SLC7A11: variants seen among roughly 807,000 people sequenced by gnomAD.
The protein encoded by SLC7A11 is solute carrier family 7 member 11.
SLC7A11 carries 35 observed loss-of-function variants against 54.5 expected under a neutral mutation model. That is an observed-to-expected ratio of 0.64 (90% CI 0.49 to 0.85). The LOEUF is 0.85. SLC7A11 is among the 40% of genes least tolerant of loss of function. The pLI, the probability that SLC7A11 is intolerant of heterozygous loss-of-function variation, is 0.00. For missense variants in SLC7A11, 583 were observed against 618.1 expected, an observed-to-expected ratio of 0.94 and a Z score of 0.60; for synonymous variants, 230 against 225.2, an observed-to-expected ratio of 1.02 and a Z score of -0.19.
intron 4 of SLC7A11, among the ~76,000 whole-genome samples, chr4:138,222,207 G>A (rs990092011): frequency 5.3e-5 from 8 of 152,198 alleles, no homozygotes; most frequent in African/African-American, 1.7e-4. Context: ...GGCAACAGCA[G>A]CTCCCTTTCC....
At chr4:138,214,897 G>A (rs1737643228) in intron 5 of SLC7A11, among the ~76,000 whole-genome samples, 1 of 152,198 alleles carries the variant, frequency 6.6e-6, no homozygotes, top group African/African-American at 2.4e-5. Context: ...CCACAGAATA[G>A]TGTGATACAG....
Position 138,242,094 on chromosome 4 carries a change from A to G in SLC7A11, c.-25T>C, listed in dbSNP as rs138660207. 3.5e-4 allele frequency: 564 copies of G among 1,609,046 alleles called. No homozygotes were observed. In the African/African-American group the frequency reaches 6.6e-3, roughly 19 times the overall value. On this transcript the variant is annotated 5_prime_UTR_variant, in exon 1 of 12. Transcript: ENST00000280612. ...TAGTAGGGACACACGGGGGAAAAAT[A>G]AAACAGAGGGAAAGAAAACAAAACT...
chr4:138,212,008 T>C lies in SLC7A11; in HGVS notation c.791+2577A>G, dbSNP rs374543690. The stretch of plus-strand genomic sequence containing the variant: ...TATCAAAAACATAGTATATTTTAAA[T>C]TAGCTAAAAGAGAAATTTGCAATAT... On this transcript the variant is annotated intron_variant, in intron 6 of 11. Transcript: ENST00000280612. Among the ~76,000 whole-genome samples, 19 of 152,012 alleles carry C rather than the reference T, an allele frequency of 1.2e-4. No homozygotes were observed. In the East Asian group the frequency reaches 3.3e-3, roughly 26 times the overall value.
intron 6 of SLC7A11, among the ~76,000 whole-genome samples, chr4:138,207,894 C>A (rs963904050): frequency 2.0e-5 from 3 of 151,942 alleles, no homozygotes; most frequent in African/African-American, 7.3e-5. Context: ...GTCCTACAAG[C>A]AATAGGCCTT....
intron 1 of SLC7A11, among the ~76,000 whole-genome samples, chr4:138,239,709 G>A (rs1478754254): frequency 3.3e-5 from 5 of 152,018 alleles, no homozygotes; most frequent in African/African-American, 1.2e-4. Flanking sequence ...CAGATGATAT[G>A]TAATACTTAT....
rs867512647 is a variant in SLC7A11 at position 138,170,885 on chromosome 4, T to G, written c.*1071A>C. 1 of 152,184 alleles carries G rather than the reference T, an allele frequency of 6.6e-6. No individual in the cohort carries two copies. The highest frequency in any genetic ancestry group is 1.5e-5 in the Non-Finnish European group (1 of 68,036). 9.4% of individuals were successfully genotyped at this position (152,184 alleles called of 1,614,324 possible). A position where few individuals can be genotyped will look rare whatever the true frequency, so the allele number is the denominator to read the frequency against. The stretch of plus-strand genomic sequence containing the variant: ...ATCTGGACAGTTTCATCTGAAGAGA[T>G]ATTTTAACAGAAGAATATAAAATGT... On this transcript the variant is annotated 3_prime_UTR_variant, in exon 12 of 12. Coordinates refer to ENST00000280612, the MANE Select transcript of SLC7A11 (RefSeq NM_014331.4).
intron 6 of SLC7A11, among the ~76,000 whole-genome samples, chr4:138,187,374 T>C (rs779730509): frequency 6.6e-6 from 1 of 152,176 alleles, no homozygotes; most frequent in Non-Finnish European, 1.5e-5. Context: ...CATACGTGTC[T>C]CCTTTTGTCC....
intron 6 of SLC7A11, among the ~76,000 whole-genome samples, chr4:138,209,723 A>G (rs1737502123): frequency 6.6e-6 from 1 of 152,056 alleles, no homozygotes; most frequent in African/African-American, 2.4e-5. Flanking sequence ...GCTATAAAAC[A>G]TTGTTGAAAG....
At chr4:138,240,588 T>TTGAG (rs1292414967) in intron 1 of SLC7A11, among the ~76,000 whole-genome samples, 1 of 144,800 alleles carries the variant, frequency 6.9e-6, no homozygotes, top group South Asian at 2.2e-4. Flanking sequence ...AAAATGGAAT[T>TTGAG]TGAGTTCTCT....
Position 138,211,014 on chromosome 4 carries a change from G to T in SLC7A11, c.791+3571C>A, listed in dbSNP as rs1003112548. On this transcript the variant is annotated intron_variant, in intron 6 of 11. Transcript: ENST00000280612. ...TCAACTTTAGTTCCCATCAAAAGTG[G>T]GTTGGATAAAGAAAATGTGGTACAT... Among the ~76,000 whole-genome samples the T allele has an allele frequency of 4.1e-4, 62 of 152,072 alleles. 1 individual carries two copies. The highest frequency in any genetic ancestry group is 2.7e-4 in the Non-Finnish European group (18 of 67,906).
At chr4:138,200,942 T>C (rs1457229886) in intron 6 of SLC7A11, among the ~76,000 whole-genome samples, 1 of 152,092 alleles carries the variant, frequency 6.6e-6, no homozygotes, top group African/African-American at 2.4e-5. Context: ...AATCCTTTGC[T>C]ATCTATCTCT....
chr4:138,185,388 A>G (rs1359939289), intron 6 of SLC7A11, 144 bp from the exon 7 acceptor site: 5 of 913,892 alleles, frequency 5.5e-6, no homozygotes, highest in Middle Eastern at 2.7e-4. Flanking sequence ...TAAACATTTC[A>G]TCAGGGCAAA....
chr4:138,196,560 T>A (rs1297808717), intron 6 of SLC7A11, among the ~76,000 whole-genome samples: 1 of 152,134 alleles, frequency 6.6e-6, no homozygotes, highest in Non-Finnish European at 1.5e-5. Context: ...ATATACCAAG[T>A]GAGGATGAAG....
rs201976885 is a variant in SLC7A11, at chr4:138,236,329, T to A, written c.400A>T (p.Ile134Leu). The A allele has an allele frequency of 6.2e-7, 1 of 1,610,558 alleles. No individual in the cohort carries two copies. The highest frequency in any genetic ancestry group is 8.5e-7 in the Non-Finnish European group (1 of 1,178,790). Residue 134 changes from isoleucine to leucine, a missense_variant, in exon 2 of 12, where the codon ATA becomes TTA. Ile to Leu is a conservative substitution (Grantham distance 5). Transcript: ENST00000280612. Reference sequence around the variant, plus strand: ...TTCTTTCTACTATGCTCTTACCGTATTATGAGGAGTTCCACCCAGACTCGT... The same window carrying A: ...TTCTTTCTACTATGCTCTTACCGTAATATGAGGAGTTCCACCCAGACTCGT... ...FVRVWVELLI[I>L]RPAATAVISL...
chr4:138,173,773 T>C (rs1292164380), intron 11 of SLC7A11, among the ~76,000 whole-genome samples: 2 of 152,148 alleles, frequency 1.3e-5, no homozygotes, highest in African/African-American at 2.4e-5. Flanking sequence ...TCTGAGTGTT[T>C]CCTAAATAAA....
At chr4:138,173,195 G>A (rs997390127) in intron 11 of SLC7A11, among the ~76,000 whole-genome samples, 15 of 152,070 alleles carry the variant, frequency 9.9e-5, no homozygotes, top group African/African-American at 3.4e-4. Flanking sequence ...TCAATGTCCT[G>A]CTAGTCCTGG....
At chr4:138,184,267 T>C (rs1447255428) in intron 7 of SLC7A11, among the ~76,000 whole-genome samples, 1 of 152,150 alleles carries the variant, frequency 6.6e-6, no homozygotes, top group Admixed American at 6.6e-5. Context: ...CAGGTTCAAA[T>C]GAAATGAGAT....
intron 11 of SLC7A11, among the ~76,000 whole-genome samples, chr4:138,178,561 G>GC (rs1736640726): frequency 6.6e-6 from 1 of 152,020 alleles, no homozygotes; most frequent in South Asian, 2.1e-4. Flanking sequence ...TTGCCACACT[G>GC]TTTTTCCACA....
intron 1 of SLC7A11, among the ~76,000 whole-genome samples, chr4:138,238,432 T>C (rs1469255534): frequency 2.0e-5 from 3 of 152,222 alleles, no homozygotes; most frequent in African/African-American, 7.2e-5. Context: ...TTTTTTCCAA[T>C]CTACTTCTGA....
Sources: gnomAD v4.1 joint callset for allele counts (sites outside exome capture counted in the v4.1 genomes callset) on GRCh38, gnomAD v4.1.1 for gene constraint, MANE v1.5 for transcripts, NCBI Gene and HGNC (gene_info 2026-07-23, HGNC 2026-07-21) for gene names.